The following L3MBTL3 variants were observed in gnomAD, a reference collection of about 807,000 sequenced individuals.
L3MBTL3 encodes L3MBTL histone methyl-lysine binding protein 3.
Under a neutral mutation model 102.3 loss-of-function variants are expected in L3MBTL3, and 27 were observed. The observed-to-expected ratio is 0.26, with a 90% confidence interval of 0.19 to 0.36. L3MBTL3 has a LOEUF of 0.36. L3MBTL3 is among the 10% of genes least tolerant of loss of function. The pLI is 1.00. For synonymous variants in L3MBTL3, 340 were observed against 320.9 expected (o/e 1.06, Z -0.64); for missense variants, 798 against 955.3 (o/e 0.84, Z 2.17).
intron 2 of L3MBTL3, among the ~76,000 whole-genome samples, chr6:130,027,770 T>G (rs1779446297): frequency 6.6e-6 from 1 of 152,004 alleles, no homozygotes; most frequent in Non-Finnish European, 1.5e-5. Flanking sequence ...AACAAGAGAG[T>G]ACTTTTAGTT....
rs760969741 is a variant in L3MBTL3 at position 130,055,155 on chromosome 6, TC to T, written c.583-14del. On this transcript the variant is annotated splice_polypyrimidine_tract_variant and intron_variant, in intron 7 of 22. Coordinates refer to ENST00000361794, the MANE Select transcript of L3MBTL3 (RefSeq NM_032438.4). ...TTCTTGAACTTTAAAGTCATAATTT[TC>T]CTTTCTTTTTGTAGGAGAACAAACA... The T allele has an allele frequency of 1.2e-6, 2 of 1,605,538 alleles. No homozygotes were observed. The highest frequency in any genetic ancestry group is 1.7e-6 in the Non-Finnish European group (2 of 1,172,368).
At chr6:130,119,059 A>G (rs1785935096) in intron 19 of L3MBTL3, among the ~76,000 whole-genome samples, 1 of 152,204 alleles carries the variant, frequency 6.6e-6, no homozygotes. Context: ...AATCCACAAA[A>G]GGGTAACTGC....
intron 13 of L3MBTL3, among the ~76,000 whole-genome samples, chr6:130,077,884 C>G (rs889986921): frequency 1.3e-5 from 2 of 152,058 alleles, no homozygotes; most frequent in Admixed American, 6.6e-5. Flanking sequence ...CACTCGGGTT[C>G]CATATGATGT....
chr6:130,087,830 A>G (rs1205031103), intron 16 of L3MBTL3, among the ~76,000 whole-genome samples: 1 of 152,002 alleles, frequency 6.6e-6, no homozygotes, highest in Non-Finnish European at 1.5e-5. Context: ...TTATGTTATG[A>G]TATCTGCTGT....
chr6:130,089,514 C>T (rs912443049), intron 16 of L3MBTL3, among the ~76,000 whole-genome samples: 20 of 152,038 alleles, frequency 1.3e-4, no homozygotes, highest in Non-Finnish European at 2.9e-5. Context: ...GTGAATAGTG[C>T]CGCAATAAAC....
intron 3 of L3MBTL3, among the ~76,000 whole-genome samples, chr6:130,044,183 C>T (rs935629070): frequency 3.3e-5 from 5 of 152,088 alleles, no homozygotes; most frequent in African/African-American, 1.2e-4. Flanking sequence ...CAAATTATTT[C>T]AATTGCCTAA....
At chr6:130,077,381 C>A (rs1325678545) in intron 13 of L3MBTL3, among the ~76,000 whole-genome samples, 1 of 152,042 alleles carries the variant, frequency 6.6e-6, no homozygotes, top group Non-Finnish European at 1.5e-5. Context: ...TGGCATTGAC[C>A]TAGCAGTGCT....
Position 130,083,678 on chromosome 6 carries a change from A to G in L3MBTL3, c.1380A>G (p.Leu460=). The G allele has an allele frequency of 2.6e-6, 4 of 1,548,650 alleles. No homozygotes were observed. Among genetic ancestry groups the G allele is most frequent in the Non-Finnish European group, 3.5e-6 (4 of 1,145,022 alleles). Residue 460 remains leucine (L), a synonymous_variant, in exon 15 of 23, where the codon TTA becomes TTG. Transcript: ENST00000361794. ...AATACTTAGAAGAAACCAATTCTTTACCTGCTCCTGCAAGAGCTTTCAAAG... is the reference window on the plus strand; with the variant it reads ...AATACTTAGAAGAAACCAATTCTTTGCCTGCTCCTGCAAGAGCTTTCAAAG... The part of the protein sequence containing the change: ...WDKYLEETNS[L]PAPARAFKVK...
chr6:130,126,838 G>A (rs1322519648), intron 20 of L3MBTL3, among the ~76,000 whole-genome samples: 7 of 152,162 alleles, frequency 4.6e-5, no homozygotes, highest in African/African-American at 1.7e-4. Flanking sequence ...CATACAGAAT[G>A]TATTAATGTG....
chr6:130,094,123 A>G (rs759083427), intron 17 of L3MBTL3, 142 bp from the exon 18 acceptor site: 2 of 510,544 alleles, frequency 3.9e-6, no homozygotes, highest in African/African-American at 1.9e-5. Context: ...TATAGGATCT[A>G]CTTTTTCTGT....
chr6:130,080,793 A>G (rs1194927794), intron 14 of L3MBTL3, among the ~76,000 whole-genome samples: 2 of 152,246 alleles, frequency 1.3e-5, no homozygotes, highest in African/African-American at 4.8e-5. Context: ...TGTTATGTAT[A>G]TTTTGCCACT....
chr6:130,134,098 G>A (rs1047012015), intron 22 of L3MBTL3, among the ~76,000 whole-genome samples, 193 bp downstream of exon 22: 2 of 152,124 alleles, frequency 1.3e-5, no homozygotes, highest in African/African-American at 4.8e-5. Flanking sequence ...AGATGCATAA[G>A]AATGTTTGTG....
intron 14 of L3MBTL3, among the ~76,000 whole-genome samples, chr6:130,080,480 G>A (rs9492445): frequency 0.27 from 40,690 of 151,708 alleles, 6,105 homozygotes; most frequent in African/African-American, 0.38. Flanking sequence ...CCTTCTTTCC[G>A]TACCACCATT....
intron 19 of L3MBTL3, among the ~76,000 whole-genome samples, chr6:130,110,919 T>C (rs1401780550): frequency 4.6e-5 from 7 of 152,230 alleles, no homozygotes; most frequent in Admixed American, 4.6e-4. Flanking sequence ...AATAGATTGC[T>C]CAAGCAAGAG....
intron 10 of L3MBTL3, among the ~76,000 whole-genome samples, chr6:130,061,969 T>C (rs1047093240): frequency 6.6e-6 from 1 of 152,164 alleles, no homozygotes; most frequent in African/African-American, 2.4e-5. Flanking sequence ...GGGAATTGTG[T>C]CTTGCGCCAT....
At chr6:130,092,620 C>A in intron 16 of L3MBTL3, 125 bp from the exon 17 acceptor site, 1 of 569,198 alleles carries the variant, frequency 1.8e-6, no homozygotes. Flanking sequence ...AATAATTGAA[C>A]TGATTTATTG....
At chr6:130,053,487 T>A (rs1002950361) in intron 7 of L3MBTL3, among the ~76,000 whole-genome samples, 5 of 151,798 alleles carry the variant, frequency 3.3e-5, no homozygotes, top group African/African-American at 9.7e-5. Flanking sequence ...TACAAAAAAT[T>A]AGGTAGGCGT....
intron 10 of L3MBTL3, among the ~76,000 whole-genome samples, chr6:130,063,006 GTT>G (rs11330898): frequency 5.2e-4 from 64 of 122,194 alleles, no homozygotes; most frequent in African/African-American, 1.8e-3. Flanking sequence ...TTTTTTTTCT[GTT>G]TTTTTTTCGC....
intron 2 of L3MBTL3, among the ~76,000 whole-genome samples, chr6:130,030,819 A>T (rs1191552101): frequency 6.6e-6 from 1 of 152,110 alleles, no homozygotes; most frequent in East Asian, 1.9e-4. Context: ...TAGCTGGGTG[A>T]CCTCAATTTT....
Sources: gnomAD v4.1 joint callset for allele counts (sites outside exome capture counted in the v4.1 genomes callset) on GRCh38, gnomAD v4.1.1 for gene constraint, MANE v1.5 for transcripts, NCBI Gene and HGNC (gene_info 2026-07-23, HGNC 2026-07-21) for gene names.